The following GRM5 variants were observed in gnomAD, a reference collection of about 807,000 sequenced individuals.
GRM5 encodes the protein metabotropic glutamate receptor 5.
A neutral mutation model predicts 83.1 loss-of-function variants in GRM5; 19 were observed. That is an observed-to-expected ratio of 0.23 (90% CI 0.16 to 0.34). GRM5 has a LOEUF of 0.34. GRM5 is among the 10% of genes least tolerant of loss of function. The probability of loss-of-function intolerance (pLI) is 1.00; values close to 1 mark genes in which losing one functional copy is unlikely to be tolerated. For synonymous variants in GRM5, 675 were observed against 633.6 expected, an observed-to-expected ratio of 1.07 and a Z score of -0.98; for missense variants, 1,160 against 1,588.3, an observed-to-expected ratio of 0.73 and a Z score of 4.58.
chr11:88,847,193 G>T (rs1480287269), intron 3 of GRM5, among the ~76,000 whole-genome samples: 1 of 152,092 alleles, frequency 6.6e-6, no homozygotes. Context: ...GTATAAAATA[G>T]AATAGTACTT....
intron 3 of GRM5, among the ~76,000 whole-genome samples, chr11:88,701,576 T>C (rs1941036682): frequency 6.6e-6 from 1 of 152,122 alleles, no homozygotes; most frequent in Admixed American, 6.6e-5. Flanking sequence ...CCAACCAGAA[T>C]CTTTGAGCAG....
rs138653298 is a variant in GRM5 at position 89,031,519 on chromosome 11, C to T, written c.661+15693G>A. ...GAGAAAAGACAGGATATTATAATGC[C>T]ACGAATAACAATGTCCATAAAAAGT... On this transcript the variant is annotated intron_variant, in intron 2 of 9. Coordinates refer to ENST00000305447, the MANE Select transcript of GRM5 (RefSeq NM_001143831.3). Among the ~76,000 whole-genome samples the T allele has an allele frequency of 1.2e-3, 186 of 151,718 alleles. 1 individual carries two copies. The highest frequency in any genetic ancestry group is 4.4e-3 in the African/African-American group (181 of 41,434).
At chr11:88,984,894 A>T in intron 2 of GRM5, 2 of 648,468 alleles carry the variant, frequency 3.1e-6, no homozygotes, top group Non-Finnish European at 5.7e-6. Flanking sequence ...CATGAAAATA[A>T]ATTTTATGTT....
At chr11:88,980,551 G>T (rs1420569084) in intron 2 of GRM5, among the ~76,000 whole-genome samples, 1 of 152,050 alleles carries the variant, frequency 6.6e-6, no homozygotes, top group African/African-American at 2.4e-5. Context: ...GGCCGGGTGC[G>T]GTGGCTCACA....
intron 2 of GRM5, among the ~76,000 whole-genome samples, chr11:89,008,712 A>G (rs901620331): frequency 2.0e-5 from 3 of 152,106 alleles, no homozygotes; most frequent in Admixed American, 1.3e-4. Flanking sequence ...TACTGTCTTT[A>G]TATACTCTGC....
chr11:89,007,196 A>G (rs1940554940), intron 2 of GRM5, among the ~76,000 whole-genome samples: 1 of 152,178 alleles, frequency 6.6e-6, no homozygotes, highest in Non-Finnish European at 1.5e-5. Flanking sequence ...TGCTTCCTTT[A>G]CTTTTTAGCA....
intron 5 of GRM5, among the ~76,000 whole-genome samples, chr11:88,603,608 AG>A (rs1938060042): frequency 6.6e-6 from 1 of 152,180 alleles, no homozygotes; most frequent in Non-Finnish European, 1.5e-5. Context: ...GCCTAGTTAT[AG>A]CAATATTCTT....
chr11:89,014,467 C>G (rs1940798132), intron 2 of GRM5, among the ~76,000 whole-genome samples: 2 of 151,772 alleles, frequency 1.3e-5, no homozygotes, highest in African/African-American at 4.8e-5. Flanking sequence ...TTTTTTGCCT[C>G]TTTCAATTGA....
chr11:88,918,072 A>G (rs1464344740), intron 2 of GRM5, among the ~76,000 whole-genome samples: 1 of 152,088 alleles, frequency 6.6e-6, no homozygotes, highest in Admixed American at 6.6e-5. Context: ...AAAGGATCAT[A>G]AAGGCAGCAA....
intron 3 of GRM5, among the ~76,000 whole-genome samples, chr11:88,846,181 AGTT>A (rs1944301591): frequency 1.3e-5 from 2 of 152,222 alleles, no homozygotes; most frequent in African/African-American, 2.4e-5. Context: ...CTATCTTTTC[AGTT>A]GTTAATTTGC....
At chr11:88,995,405 C>T (rs895305317) in intron 2 of GRM5, among the ~76,000 whole-genome samples, 12 of 151,610 alleles carry the variant, frequency 7.9e-5, no homozygotes, top group African/African-American at 2.4e-4. Context: ...ATTAGCCGGG[C>T]GTGTTTGCAG....
At chr11:88,636,998 C>T (rs535614917) in intron 4 of GRM5, among the ~76,000 whole-genome samples, 133 of 152,186 alleles carry the variant, frequency 8.7e-4, no homozygotes, top group African/African-American at 2.1e-3. Flanking sequence ...TGCCTCCAGC[C>T]TTGTTCTTTT....
chr11:88,719,375 C>A (rs1941480250), intron 3 of GRM5, among the ~76,000 whole-genome samples: 2 of 151,946 alleles, frequency 1.3e-5, no homozygotes, highest in African/African-American at 4.8e-5. Flanking sequence ...CACCCATGTC[C>A]CTGCAAAGGA....
intron 2 of GRM5, among the ~76,000 whole-genome samples, chr11:88,939,916 A>G (rs1332382571): frequency 6.6e-6 from 1 of 151,910 alleles, no homozygotes; most frequent in Non-Finnish European, 1.5e-5. Context: ...AAATAACTGT[A>G]CATAGGCTGG....
chr11:89,027,886 G>A (rs1012665233), intron 2 of GRM5, among the ~76,000 whole-genome samples: 47 of 152,136 alleles, frequency 3.1e-4, no homozygotes, highest in African/African-American at 1.1e-3. Context: ...GTGTTAACAG[G>A]TGGGACTTTG....
chr11:88,722,005 A>T (rs913607682), intron 3 of GRM5, among the ~76,000 whole-genome samples: 1 of 152,170 alleles, frequency 6.6e-6, no homozygotes, highest in Non-Finnish European at 1.5e-5. Flanking sequence ...CACAAGCTGA[A>T]CACATGGCCC....
At chr11:88,868,404 G>A (rs1488182624) in intron 2 of GRM5, among the ~76,000 whole-genome samples, 1 of 151,706 alleles carries the variant, frequency 6.6e-6, no homozygotes, top group Non-Finnish European at 1.5e-5. Context: ...TCATAAGGTG[G>A]TTATGAGGAT....
At chr11:88,521,273 C>T (rs767780466) in intron 9 of GRM5, among the ~76,000 whole-genome samples, 11 of 152,006 alleles carry the variant, frequency 7.2e-5, no homozygotes, top group South Asian at 2.1e-4. Context: ...AAAAATTAGC[C>T]GGGCGTGGTG....
chr11:88,851,012 G>A (rs920235419), intron 2 of GRM5, among the ~76,000 whole-genome samples: 3 of 152,058 alleles, frequency 2.0e-5, no homozygotes, highest in African/African-American at 7.2e-5. Flanking sequence ...TCAGAAAACA[G>A]AGCAGTTAGG....
Sources: gnomAD v4.1 joint callset for allele counts (sites outside exome capture counted in the v4.1 genomes callset) on GRCh38, gnomAD v4.1.1 for gene constraint, MANE v1.5 for transcripts, NCBI Gene and HGNC (gene_info 2026-07-23, HGNC 2026-07-21) for gene names.